The following HEATR6 variants were observed in gnomAD, a reference collection of about 807,000 sequenced individuals.
The protein encoded by HEATR6 is HEAT repeat-containing protein 6.
Under a neutral mutation model 132.8 loss-of-function variants are expected in HEATR6, and 106 were observed. The ratio of observed to expected loss-of-function variants is 0.80; its 90% CI spans 0.68 to 0.94. The LOEUF (loss-of-function observed/expected upper bound fraction) is 0.94. Among genes scored for constraint, HEATR6 ranks in the 40% least tolerant of loss-of-function variants. HEATR6 has a pLI of 0.00. For missense variants in HEATR6, 1,339 were observed against 1,425.1 expected (o/e 0.94, Z 0.97); for synonymous variants, 529 against 537.8 (o/e 0.98, Z 0.23).
In HEATR6 at chr17:60,041,444, T is replaced by G. The variant is rs1568592853; in HGVS notation, c.*2119A>C. On this transcript the variant is annotated 3_prime_UTR_variant, in exon 20 of 20. Transcript: ENST00000184956. Reference sequence around the variant, plus strand: ...AGTAATAAGCTGTCTATGCCATATTTTTTTTTTCCTTTTTTGAAAATGCCA... The same window carrying G: ...AGTAATAAGCTGTCTATGCCATATTGTTTTTTTCCTTTTTTGAAAATGCCA... Among the ~76,000 whole-genome samples the G allele has an allele frequency of 1.3e-5, 2 of 152,164 alleles. No individual in the cohort carries two copies. The highest frequency in any genetic ancestry group is 6.5e-5 in the Admixed American group (1 of 15,278).
chr17:60,068,905 C>T (rs2083256058), intron 7 of HEATR6, among the ~76,000 whole-genome samples: 1 of 152,082 alleles, frequency 6.6e-6, no homozygotes, highest in Non-Finnish European at 1.5e-5. Context: ...TTTATTTATC[C>T]ATCTTTGCCT....
chr17:60,073,297 C>T lies in HEATR6; in HGVS notation c.469-18G>A. The T allele has an allele frequency of 1.5e-6, 2 of 1,358,990 alleles. No individual in the cohort carries two copies. The highest frequency in any genetic ancestry group is 2.1e-6 in the Non-Finnish European group (2 of 951,388). The allele number at this position is 1,358,990 out of a possible 1,614,324, so 84.2% of individuals were successfully genotyped here. ...GGGAGGTACTAAGAAAAATAAGAGTCAATGTAGGTCAAAGAAAAGCTTCTA... is the reference window on the plus strand; with the variant it reads ...GGGAGGTACTAAGAAAAATAAGAGTTAATGTAGGTCAAAGAAAAGCTTCTA... On this transcript the variant is annotated intron_variant, in intron 3 of 19. Transcript: ENST00000184956.
intron 14 of HEATR6, 91 bp downstream of exon 14, chr17:60,055,424 C>CAT: frequency 1.3e-6 from 1 of 758,490 alleles, no homozygotes; most frequent in Non-Finnish European, 2.1e-6. Context: ...TGGAAGAAAC[C>CAT]ATATCATCTA....
chr17:60,055,897 T>C lies in HEATR6; in HGVS notation c.2202+218A>G, dbSNP rs1243405494. ...GACTGAAATCAACAGCTATATCTTA[T>C]TAATTTGTTACTGAGTCAATGCGTG... On this transcript the variant is annotated intron_variant, in intron 13 of 19. Transcript: ENST00000184956. Among the ~76,000 whole-genome samples the C allele has an allele frequency of 2.6e-5, 4 of 152,354 alleles. No individual in the cohort carries two copies. In the East Asian group the frequency reaches 7.7e-4, roughly 29 times the overall value.
chr17:60,069,974 A>G (rs1437020498), intron 6 of HEATR6, 126 bp from the exon 7 acceptor site: 3 of 1,111,532 alleles, frequency 2.7e-6, no homozygotes, highest in Non-Finnish European at 3.8e-6. Context: ...ATAATGTTCA[A>G]AAGCCTACTA....
intron 1 of HEATR6, among the ~76,000 whole-genome samples, chr17:60,077,127 G>A (rs1330219531): frequency 6.6e-6 from 1 of 152,016 alleles, no homozygotes; most frequent in Non-Finnish European, 1.5e-5. Flanking sequence ...GAGAGAGAAA[G>A]AAACACAACA....
chr17:60,060,119 A>G (rs1448311283), intron 9 of HEATR6, 23 bp from the exon 10 acceptor site: 2 of 1,559,084 alleles, frequency 1.3e-6, no homozygotes, highest in Admixed American at 1.7e-5. Flanking sequence ...GATGATTCAC[A>G]TTGATTAGTT....
At position 60,046,240 on chromosome 17, in the gene HEATR6, T is replaced by C. The variant is rs1206722415; in HGVS notation, c.2770-11A>G. The C allele has an allele frequency of 6.3e-7, 1 of 1,577,440 alleles. No homozygotes were observed. The highest frequency in any genetic ancestry group is 1.2e-5 in the South Asian group (1 of 86,790). On this transcript the variant is annotated splice_polypyrimidine_tract_variant and intron_variant, in intron 18 of 19. Transcript: ENST00000184956. ...TGCATTGCTTTTTACCTAGAAAAAA[T>C]GTAAATGCTTTAGAAATCTGTTTGG...
intron 6 of HEATR6, 56 bp downstream of exon 6, chr17:60,070,650 C>G (rs976590974): frequency 2.0e-6 from 2 of 1,009,028 alleles, no homozygotes; most frequent in African/African-American, 3.2e-5. Flanking sequence ...GTAAAGTGGT[C>G]CTTGTACCAT....
chr17:60,060,161 T>C (rs1906886479), intron 9 of HEATR6, 65 bp from the exon 10 acceptor site: 13 of 1,057,592 alleles, frequency 1.2e-5, no homozygotes, highest in Admixed American at 1.8e-5. Flanking sequence ...CTTCTTCCTA[T>C]ACATATTTAA....
Position 60,078,731 on chromosome 17 carries a change from C to T in HEATR6, c.184G>A (p.Glu62Lys). 2 of 1,552,836 alleles carry T rather than the reference C, an allele frequency of 1.3e-6. No individual in the cohort carries two copies. Among genetic ancestry groups the T allele is most frequent in the African/African-American group, 1.4e-5 (1 of 72,988 alleles). Reference sequence around the variant, plus strand: ...ACGCCACTGCCCTCGCTGTAGTTCTCGGAGATGAGCTGATCGAAGAGCAGG... The same window carrying T: ...ACGCCACTGCCCTCGCTGTAGTTCTTGGAGATGAGCTGATCGAAGAGCAGG... ...IHLLFDQLISENYSEGSGVAP... is the reference protein window; with the variant it reads ...IHLLFDQLISKNYSEGSGVAP... Residue 62 changes from glutamate to lysine, a missense_variant, in exon 1 of 20, where the codon GAG (glutamate) becomes AAG (lysine). Transcript: ENST00000184956.
At position 60,049,674 on chromosome 17, in the gene HEATR6, A is replaced by C; in HGVS notation, c.2453T>G (p.Val818Gly). 6.2e-7 allele frequency: 1 copy of C among 1,613,652 alleles called. No homozygotes were observed. The highest frequency in any genetic ancestry group is 2.2e-5 in the East Asian group (1 of 44,878). ...CTTGCTGTCATTCAGCCCGAGCAGC[A>C]CTGTGATGCACAGCATCTGCCTGTC... The part of the protein sequence containing the change: ...PNDRQMLCIT[V>G]LLGLNDSKNR... Residue 818 changes from valine (V) to glycine (G), a missense_variant, in exon 16 of 20, where the codon GTG (valine) becomes GGG (glycine). Val to Gly is a moderately radical substitution (Grantham distance 109, BLOSUM62 -3). Coordinates refer to ENST00000184956, the MANE Select transcript of HEATR6 (RefSeq NM_022070.5).
In HEATR6 at chr17:60,055,541, G is replaced by C; in HGVS notation, c.2263C>G (p.Pro755Ala). The C allele has an allele frequency of 6.2e-7, 1 of 1,612,580 alleles. No homozygotes were observed. Among genetic ancestry groups the C allele is most frequent in the Non-Finnish European group, 8.5e-7 (1 of 1,179,122 alleles). The part of the protein sequence containing the change: ...QQYKPDSTAA[P>A]DQRAPVFLVV... ...AAGAAGACTGGTGCTCTCTGATCAG[G>C]TGCTGCAGTGGAGTCTGGTTTATAC... Residue 755 changes from proline (P) to alanine (A), a missense_variant, in exon 14 of 20, where the codon CCT (proline) becomes GCT (alanine). Physicochemically the swap from Pro to Ala is conservative, Grantham distance 27 (BLOSUM62 -1). Coordinates refer to ENST00000184956, the MANE Select transcript of HEATR6 (RefSeq NM_022070.5).
intron 2 of HEATR6, 86 bp downstream of exon 2, chr17:60,076,044 A>T (rs1405327219): frequency 1.3e-6 from 1 of 758,224 alleles, no homozygotes; most frequent in East Asian, 2.6e-5. Context: ...ACAGCCTATC[A>T]TACCTACTAC....
chr17:60,057,012 CT>C, intron 12 of HEATR6, 35 bp downstream of exon 12: 1 of 1,458,276 alleles, frequency 6.9e-7, no homozygotes, highest in Non-Finnish European at 9.3e-7. Flanking sequence ...GGAATGGTTA[CT>C]TCCATTTCAG....
intron 9 of HEATR6, among the ~76,000 whole-genome samples, chr17:60,061,486 G>A (rs1042510777): frequency 6.6e-6 from 1 of 152,210 alleles, no homozygotes; most frequent in African/African-American, 2.4e-5. Context: ...AAAGGACTTA[G>A]ATCAGGGGCT....
intron 16 of HEATR6, among the ~76,000 whole-genome samples, chr17:60,048,984 A>T (rs1273216661): frequency 2.1e-3 from 12 of 5,688 alleles, no homozygotes; most frequent in East Asian, 0.01. Flanking sequence ...TATATATATA[A>T]TATATATATA....
At chr17:60,072,391 A>G in intron 4 of HEATR6, 62 bp from the exon 5 acceptor site, 1 of 867,310 alleles carries the variant, frequency 1.2e-6, no homozygotes, top group Non-Finnish European at 1.9e-6. Flanking sequence ...CTTGCAAAAG[A>G]CTAATTAAAA....
intron 1 of HEATR6, 23 bp from the exon 2 acceptor site, chr17:60,076,260 AG>A: frequency 7.5e-7 from 1 of 1,339,422 alleles, no homozygotes. Flanking sequence ...AAAAGATAAG[AG>A]GTAAAATACT....
Sources: allele counts gnomAD v4.1 joint callset (sites outside exome capture counted in the v4.1 genomes callset), GRCh38; gene constraint gnomAD v4.1.1; transcripts MANE v1.5; gene names NCBI Gene and HGNC (gene_info 2026-07-23, HGNC 2026-07-21).